The following TMTC2 variants were observed in gnomAD, a reference collection of about 807,000 sequenced individuals.
TMTC2 encodes the protein transmembrane O-mannosyltransferase targeting cadherins 2.
A neutral mutation model predicts 82.4 loss-of-function variants in TMTC2; 43 were observed. The observed-to-expected ratio is 0.52, with a 90% CI of 0.41 to 0.67. The LOEUF is 0.67. TMTC2 is among the 30% of genes least tolerant of loss of function. The probability of loss-of-function intolerance (pLI) is 0.00; values close to 1 mark genes in which losing one functional copy is unlikely to be tolerated. For missense variants in TMTC2, 919 were observed against 1,012.4 expected, an observed-to-expected ratio of 0.91 and a Z score of 1.25; for synonymous variants, 408 against 381.9, an observed-to-expected ratio of 1.07 and a Z score of -0.80.
intron 1 of TMTC2, 93 bp from the exon 2 acceptor site, chr12:82,856,917 A>C: frequency 8.0e-7 from 1 of 1,247,966 alleles, no homozygotes; most frequent in Non-Finnish European, 1.1e-6. Flanking sequence ...CATAGTAACA[A>C]AGCTTCTGAG....
At chr12:83,023,671 T>C (rs1592700532) in intron 8 of TMTC2, among the ~76,000 whole-genome samples, 1 of 152,336 alleles carries the variant, frequency 6.6e-6, no homozygotes, top group East Asian at 1.9e-4. Flanking sequence ...GAGTCCAGCC[T>C]TGTCCTGGGC....
At chr12:82,761,666 C>G (rs960644246) in intron 1 of TMTC2, among the ~76,000 whole-genome samples, 5 of 152,128 alleles carry the variant, frequency 3.3e-5, no homozygotes, top group Admixed American at 2.0e-4. Flanking sequence ...ACCCCGGAAC[C>G]CTGCTTGGCA....
At chr12:82,909,873 A>G (rs1433547368) in intron 3 of TMTC2, among the ~76,000 whole-genome samples, 1 of 152,202 alleles carries the variant, frequency 6.6e-6, no homozygotes, top group Non-Finnish European at 1.5e-5. Flanking sequence ...GAATAGAGTT[A>G]AGATCAGAGC....
chr12:82,801,184 C>T (rs1252716392), intron 1 of TMTC2, among the ~76,000 whole-genome samples: 1 of 152,048 alleles, frequency 6.6e-6, no homozygotes, highest in African/African-American at 2.4e-5. Context: ...GGTTCTTGGT[C>T]TCACTGACTT....
chr12:83,115,990 G>C (rs1353496606), intron 11 of TMTC2, among the ~76,000 whole-genome samples: 2 of 152,142 alleles, frequency 1.3e-5, no homozygotes, highest in Admixed American at 6.5e-5. Context: ...CTTTCAATGT[G>C]TTTGCCAGGC....
chr12:83,003,654 A>G (rs1253107958), intron 8 of TMTC2, among the ~76,000 whole-genome samples: 1 of 151,924 alleles, frequency 6.6e-6, no homozygotes, highest in Non-Finnish European at 1.5e-5. Context: ...GAAGGATTTT[A>G]TTTCTCCTCC....
At chr12:82,848,828 A>G (rs1287687040) in intron 1 of TMTC2, among the ~76,000 whole-genome samples, 2 of 152,204 alleles carry the variant, frequency 1.3e-5, no homozygotes, top group Non-Finnish European at 2.9e-5. Flanking sequence ...AAGCCAGCAT[A>G]TTCTGCCACA....
In TMTC2 at chr12:82,703,503, T is replaced by G. The variant is rs1193417028; in HGVS notation, c.83+15834T>G. ...GGAAGATAGATAGTTTCTTTCTTTT[T>G]TTTTTTTTTTTTTGAGACAGAGTCT... On this transcript the variant is annotated intron_variant, in intron 1 of 11. Transcript: ENST00000321196. Among the ~76,000 whole-genome samples, 4 of 149,992 alleles carry G rather than the reference T, an allele frequency of 2.7e-5. No individual in the cohort carries two copies. The East Asian group carries it at 7.8e-4, about 29-fold the overall frequency.
rs74106164 is a variant in TMTC2 at position 82,889,498 on chromosome 12, T to G, written c.655-6320T>G. On this transcript the variant is annotated intron_variant, in intron 2 of 11. Transcript: ENST00000321196. ...GATTTGAAGCCATCTTTTCTGTTAT[T>G]CATGTACTCATCTCCCTACACTAGA... 5.5e-3 allele frequency among the ~76,000 whole-genome samples: 839 copies of G among 152,222 alleles called. 7 individuals are homozygous for G. The highest frequency in any genetic ancestry group is 0.019 in the African/African-American group (788 of 41,516).
At chr12:82,868,714 T>G (rs1251860466) in intron 2 of TMTC2, among the ~76,000 whole-genome samples, 1 of 142,558 alleles carries the variant, frequency 7.0e-6, no homozygotes, top group Non-Finnish European at 1.5e-5. Flanking sequence ...TTTTTTTTTT[T>G]GAAAAAAAAA....
At chr12:82,755,133 G>T (rs1356145436) in intron 1 of TMTC2, among the ~76,000 whole-genome samples, 1 of 152,206 alleles carries the variant, frequency 6.6e-6, no homozygotes, top group Non-Finnish European at 1.5e-5. Context: ...CATCAGTGTT[G>T]TGGGGAAATG....
intron 11 of TMTC2, among the ~76,000 whole-genome samples, chr12:83,086,523 G>T (rs185092545): frequency 2.0e-5 from 3 of 152,242 alleles, no homozygotes; most frequent in Admixed American, 1.3e-4. Flanking sequence ...TAGACTCTCT[G>T]TGTTTCAGTT....
At chr12:82,726,049 C>A (rs1490092001) in intron 1 of TMTC2, among the ~76,000 whole-genome samples, 1 of 152,148 alleles carries the variant, frequency 6.6e-6, no homozygotes, top group Non-Finnish European at 1.5e-5. Context: ...TTTTCCCCCA[C>A]AAAGGACCAC....
At chr12:83,028,253 A>G (rs959302416) in intron 8 of TMTC2, among the ~76,000 whole-genome samples, 1 of 152,206 alleles carries the variant, frequency 6.6e-6, no homozygotes, top group South Asian at 2.1e-4. Context: ...CGTAGGTAGT[A>G]TAATAGTTAA....
rs978674305 is a variant in TMTC2, at chr12:82,986,193, A to C, written c.2070+147A>C. The C allele has an allele frequency of 2.9e-6, 3 of 1,038,844 alleles. No homozygotes were observed. The African/African-American group carries it at 4.8e-5, about 17-fold the overall frequency. 64.4% of individuals were successfully genotyped at this position (1,038,844 alleles called of 1,614,324 possible). On this transcript the variant is annotated intron_variant, in intron 8 of 11. Coordinates refer to ENST00000321196, the MANE Select transcript of TMTC2 (RefSeq NM_152588.3). ...TACTAACTTTGAACCCTGTACAGAA[A>C]ATATAGAAAAATGTGTTACTTTGCC...
At chr12:83,015,438 G>T (rs1378702298) in intron 8 of TMTC2, among the ~76,000 whole-genome samples, 2 of 152,180 alleles carry the variant, frequency 1.3e-5, no homozygotes, top group Non-Finnish European at 2.9e-5. Flanking sequence ...GCCAAATCAG[G>T]TGACAATTAA....
chr12:82,860,221 C>T (rs961222662), intron 2 of TMTC2, among the ~76,000 whole-genome samples: 15 of 152,172 alleles, frequency 9.9e-5, no homozygotes, highest in Non-Finnish European at 4.4e-5. Context: ...ATCCGCCCGC[C>T]TCAGCCTCCC....
At chr12:82,843,033 A>G (rs993181989) in intron 1 of TMTC2, among the ~76,000 whole-genome samples, 17 of 152,330 alleles carry the variant, frequency 1.1e-4, no homozygotes, top group African/African-American at 3.6e-4. Flanking sequence ...AGCAGTAGAC[A>G]AAGAGCAGTG....
chr12:82,824,230 T>C (rs1303580911), intron 1 of TMTC2, among the ~76,000 whole-genome samples: 18 of 152,160 alleles, frequency 1.2e-4, no homozygotes, highest in Admixed American at 1.1e-3. Context: ...TTTGTATGGA[T>C]CTTATAATGT....
Sources: gnomAD v4.1 joint callset for allele counts (sites outside exome capture counted in the v4.1 genomes callset) on GRCh38, gnomAD v4.1.1 for gene constraint, MANE v1.5 for transcripts, NCBI Gene and HGNC (gene_info 2026-07-23, HGNC 2026-07-21) for gene names.